Variants in COP1 observed in about 807,000 individuals in gnomAD.
COP1 encodes COP1 E3 ubiquitin ligase, also known as E3 ubiquitin-protein ligase COP1.
COP1 carries 24 observed loss-of-function variants against 101.3 expected under a neutral mutation model. The ratio of observed to expected loss-of-function variants is 0.24; its 90% CI spans 0.17 to 0.33. The LOEUF is 0.33. Ranked by LOEUF, COP1 falls within the 10% of genes least tolerant of loss-of-function variation. The pLI, the probability that COP1 is intolerant of heterozygous loss-of-function variation, is 1.00. For missense variants in COP1, 663 were observed against 906.2 expected (o/e 0.73, Z 3.45); for synonymous variants, 347 against 341.9 (o/e 1.01, Z -0.17).
chr1:176,162,754 G>A, intron 5 of COP1, 115 bp downstream of exon 5: 1 of 813,282 alleles, frequency 1.2e-6, no homozygotes, highest in Non-Finnish European at 1.8e-6. Flanking sequence ...GTTTCTAGCT[G>A]AGTAAAAATG....
intron 14 of COP1, among the ~76,000 whole-genome samples, chr1:176,034,576 T>G (rs1303565451): frequency 6.6e-6 from 1 of 152,174 alleles, no homozygotes; most frequent in Non-Finnish European, 1.5e-5. Flanking sequence ...CCAACCTTCT[T>G]GACAAAGTAT....
At chr1:175,977,172 AAAGATCCTG>A (rs1467321594) in intron 18 of COP1, among the ~76,000 whole-genome samples, 5 of 152,320 alleles carry the variant, frequency 3.3e-5, no homozygotes, top group Admixed American at 6.5e-5. Context: ...TCAGAGAGCA[AAAGATCCTG>A]AAGATAAATA....
At chr1:175,949,187 A>AAAAAAAAAAAAAAAG (rs1286894015) in intron 18 of COP1, among the ~76,000 whole-genome samples, 2 of 144,818 alleles carry the variant, frequency 1.4e-5, no homozygotes, top group Non-Finnish European at 3.0e-5. Context: ...AAAAAAAAAA[A>AAAAAAAAAAAAAAAG]AAAAATGAAC....
intron 3 of COP1, among the ~76,000 whole-genome samples, chr1:176,173,352 T>G (rs115641684): frequency 1.8e-3 from 249 of 134,878 alleles, no homozygotes; most frequent in Middle Eastern, 8.6e-3. Context: ...AAACCAGTAA[T>G]TGGCCAGGCA....
At chr1:176,019,732 G>A (rs1207352899) in intron 15 of COP1, among the ~76,000 whole-genome samples, 2 of 151,304 alleles carry the variant, frequency 1.3e-5, no homozygotes, top group African/African-American at 4.9e-5. Context: ...ATCGTAGCAT[G>A]CTCCTGTAGT....
intron 1 of COP1, chr1:176,206,355 A>G: frequency 1.8e-6 from 1 of 557,270 alleles, no homozygotes; most frequent in South Asian, 2.4e-5. Context: ...CTACCTCTTT[A>G]TTATCCCCAC....
intron 2 of COP1, among the ~76,000 whole-genome samples, chr1:176,176,750 G>T (rs1231204914): frequency 6.6e-6 from 1 of 152,130 alleles, no homozygotes; most frequent in Non-Finnish European, 1.5e-5. Context: ...CAGGGCTACA[G>T]TGAGCCATGA....
intron 11 of COP1, among the ~76,000 whole-genome samples, chr1:176,069,722 C>T (rs1676639394): frequency 6.6e-6 from 1 of 152,194 alleles, no homozygotes; most frequent in African/African-American, 2.4e-5. Context: ...GCCTCTGCAT[C>T]CACTCTCTTC....
At chr1:176,173,336 A>AAC (rs1553306352) in intron 3 of COP1, among the ~76,000 whole-genome samples, 1 of 148,756 alleles carries the variant, frequency 6.7e-6, no homozygotes, top group Non-Finnish European at 1.5e-5. Flanking sequence ...AAAAAAAAAA[A>AAC]AAAAAAAACC....
chr1:176,184,616 C>T lies in COP1; in HGVS notation c.467+17G>A. The T allele has an allele frequency of 6.3e-7, 1 of 1,575,596 alleles. No individual in the cohort carries two copies. Among genetic ancestry groups the T allele is most frequent in the South Asian group, 1.1e-5 (1 of 87,112 alleles). On this transcript the variant is annotated intron_variant, in intron 2 of 19. Coordinates refer to ENST00000367669, the MANE Select transcript of COP1 (RefSeq NM_022457.7). Reference sequence around the variant, plus strand: ...TAAAATGTTAAAAGATTATTTTACTCAATAGAATTGTCTTACCAAAAGCTG... The same window carrying T: ...TAAAATGTTAAAAGATTATTTTACTTAATAGAATTGTCTTACCAAAAGCTG...
At chr1:176,014,746 G>A (rs1307012619) in intron 15 of COP1, among the ~76,000 whole-genome samples, 1 of 152,004 alleles carries the variant, frequency 6.6e-6, no homozygotes, top group East Asian at 1.9e-4. Flanking sequence ...GTGTGTGTAT[G>A]TATACATACA....
At chr1:175,968,961 T>G (rs1478561328) in intron 18 of COP1, among the ~76,000 whole-genome samples, 1 of 152,072 alleles carries the variant, frequency 6.6e-6, no homozygotes. Context: ...CAATGACAAG[T>G]ATGAGGGGAA....
At chr1:176,016,694 CT>C (rs1346470258) in intron 15 of COP1, among the ~76,000 whole-genome samples, 1 of 151,766 alleles carries the variant, frequency 6.6e-6, no homozygotes, top group Non-Finnish European at 1.5e-5. Flanking sequence ...TTGTAATACA[CT>C]TTTATTGTGT....
At position 176,162,844 on chromosome 1, in the gene COP1, T is replaced by A. The variant is rs779317400; in HGVS notation, c.762+25A>T. On this transcript the variant is annotated intron_variant, in intron 5 of 19. Coordinates refer to ENST00000367669, the MANE Select transcript of COP1 (RefSeq NM_022457.7). ...GCAATAAAGTTCATCATTTAAAATT[T>A]TTTTTAAGTTTAGCTACCACTTACT... 3.2e-6 allele frequency: 5 copies of A among 1,560,122 alleles called. No individual in the cohort carries two copies. In the African/African-American group the frequency reaches 5.5e-5, roughly 17 times the overall value.
chr1:176,154,284 T>A (rs1693103596), intron 5 of COP1, among the ~76,000 whole-genome samples: 2 of 152,152 alleles, frequency 1.3e-5, no homozygotes, highest in Non-Finnish European at 2.9e-5. Flanking sequence ...AGGGTGTATG[T>A]GACCAGGATA....
At chr1:176,015,139 G>C (rs1201449107) in intron 15 of COP1, among the ~76,000 whole-genome samples, 1 of 152,136 alleles carries the variant, frequency 6.6e-6, no homozygotes, top group Non-Finnish European at 1.5e-5. Flanking sequence ...GTCTAAAGCA[G>C]AGAAGCAGCA....
chr1:176,195,427 AT>A (rs1432922927), intron 1 of COP1, among the ~76,000 whole-genome samples: 1 of 152,184 alleles, frequency 6.6e-6, no homozygotes, highest in Non-Finnish European at 1.5e-5. Flanking sequence ...TATACAGAAA[AT>A]GAATGGGAGT....
chr1:176,109,173 T>C (rs1168875789), intron 9 of COP1, among the ~76,000 whole-genome samples: 2 of 152,146 alleles, frequency 1.3e-5, no homozygotes, highest in Admixed American at 6.5e-5. Flanking sequence ...ATTAAGCCAT[T>C]TACTTGCCCT....
chr1:176,176,917 C>T (rs1331805504), intron 2 of COP1, among the ~76,000 whole-genome samples: 2 of 152,124 alleles, frequency 1.3e-5, no homozygotes, highest in African/African-American at 4.8e-5. Context: ...GCACAACTTT[C>T]CTAGAAGGCA....
Sources: gnomAD v4.1 joint callset for allele counts (sites outside exome capture counted in the v4.1 genomes callset) on GRCh38, gnomAD v4.1.1 for gene constraint, MANE v1.5 for transcripts, NCBI Gene and HGNC (gene_info 2026-07-23, HGNC 2026-07-21) for gene names.